The following DPP10 variants were observed in gnomAD, a reference collection of about 807,000 sequenced individuals.
The protein encoded by DPP10 is dipeptidyl peptidase like 10.
Under a neutral mutation model 120.9 loss-of-function variants are expected in DPP10, and 33 were observed. The ratio of observed to expected loss-of-function variants is 0.27; its 90% confidence interval spans 0.21 to 0.37. DPP10 has a LOEUF of 0.37. Ranked by LOEUF, DPP10 falls within the 10% of genes least tolerant of loss-of-function variation. DPP10 has a pLI of 1.00. For missense variants in DPP10, 816 were observed against 942.8 expected (o/e 0.87, Z 1.76); for synonymous variants, 337 against 326.1 (o/e 1.03, Z -0.36).
intron 2 of DPP10, among the ~76,000 whole-genome samples, chr2:115,312,314 C>T (rs1299172600): frequency 2.6e-5 from 4 of 152,212 alleles, no homozygotes; most frequent in East Asian, 1.9e-4. Context: ...AGTATAACAA[C>T]TAGTGGTTAG....
At chr2:115,835,281 T>A (rs1439054856) in intron 21 of DPP10, among the ~76,000 whole-genome samples, 1 of 152,108 alleles carries the variant, frequency 6.6e-6, no homozygotes, top group Non-Finnish European at 1.5e-5. Flanking sequence ...ACACTACCAT[T>A]CTCTGAAACA....
chr2:115,733,605 A>G (rs200917575), intron 8 of DPP10, among the ~76,000 whole-genome samples: 4 of 134,484 alleles, frequency 3.0e-5, no homozygotes, highest in African/African-American at 1.1e-4. Flanking sequence ...AAAAAAAAAA[A>G]TCAACCACAG....
chr2:114,738,536 C>A (rs986519890), intron 1 of DPP10, among the ~76,000 whole-genome samples: 1 of 151,916 alleles, frequency 6.6e-6, no homozygotes, highest in African/African-American at 2.4e-5. Context: ...GGAGCACTAG[C>A]CTGTGTGGGG....
At chr2:115,664,860 C>T (rs956489244) in intron 5 of DPP10, among the ~76,000 whole-genome samples, 1 of 130,664 alleles carries the variant, frequency 7.7e-6, no homozygotes, top group Non-Finnish European at 1.9e-5. Flanking sequence ...TTCAACACAT[C>T]GCCACTAGTC....
chr2:114,731,668 G>T (rs1007113918), intron 1 of DPP10, among the ~76,000 whole-genome samples: 2 of 152,138 alleles, frequency 1.3e-5, no homozygotes, highest in African/African-American at 2.4e-5. Flanking sequence ...TGGGAAATAG[G>T]TTCAGGTGTG....
intron 1 of DPP10, among the ~76,000 whole-genome samples, chr2:114,706,701 G>A (rs1700709346): frequency 6.6e-6 from 1 of 152,114 alleles, no homozygotes; most frequent in Non-Finnish European, 1.5e-5. Flanking sequence ...ACATTCACAG[G>A]TATTGAGGGG....
At chr2:115,174,604 C>T (rs1316902486) in intron 1 of DPP10, among the ~76,000 whole-genome samples, 4 of 152,112 alleles carry the variant, frequency 2.6e-5, no homozygotes, top group African/African-American at 9.7e-5. Context: ...GGTACATTCC[C>T]CTAAAATTCT....
chr2:115,805,797 A>C (rs111535925), intron 19 of DPP10, among the ~76,000 whole-genome samples: 2,629 of 150,170 alleles, frequency 0.018, 85 homozygotes, highest in African/African-American at 0.06. Context: ...CTGGTCTCAA[A>C]CTCCTGACCT....
chr2:115,022,498 T>C (rs184547532), intron 1 of DPP10, among the ~76,000 whole-genome samples: 1 of 152,036 alleles, frequency 6.6e-6, no homozygotes, highest in East Asian at 1.9e-4. Context: ...AAAGAAAACA[T>C]AGATGACACA....
chr2:115,476,989 C>A (rs1250454220), intron 3 of DPP10, among the ~76,000 whole-genome samples: 2 of 152,094 alleles, frequency 1.3e-5, no homozygotes, highest in Non-Finnish European at 2.9e-5. Context: ...AAACTCTCAA[C>A]AAACTAGGAA....
rs1046958975 is a variant in DPP10 at position 115,537,463 on chromosome 2, A to G, written c.441+11491A>G. On this transcript the variant is annotated intron_variant, in intron 5 of 25. Transcript: ENST00000410059. ...TGTGAGTTAAGCAGTTTTCTCTATTATAAGGCTTTAGAGAGATTTTAATAA... is the reference window on the plus strand; with the variant it reads ...TGTGAGTTAAGCAGTTTTCTCTATTGTAAGGCTTTAGAGAGATTTTAATAA... Among the ~76,000 whole-genome samples, 3 of 152,032 alleles carry G rather than the reference A, an allele frequency of 2.0e-5. No homozygotes were observed. In the East Asian group the frequency reaches 5.8e-4, roughly 29 times the overall value.
At chr2:114,918,500 A>G (rs1694964506) in intron 1 of DPP10, among the ~76,000 whole-genome samples, 1 of 152,136 alleles carries the variant, frequency 6.6e-6, no homozygotes, top group Non-Finnish European at 1.5e-5. Flanking sequence ...GCATGCATAT[A>G]TCCATTGCAG....
chr2:115,764,144 A>G (rs1365809205), intron 12 of DPP10, among the ~76,000 whole-genome samples: 2 of 151,838 alleles, frequency 1.3e-5, no homozygotes, highest in African/African-American at 4.8e-5. Flanking sequence ...TTTTGCTAAG[A>G]TACAAGGACA....
chr2:114,758,176 T>TA (rs1330990811), intron 1 of DPP10, among the ~76,000 whole-genome samples: 1 of 152,190 alleles, frequency 6.6e-6, no homozygotes, highest in African/African-American at 2.4e-5. Flanking sequence ...TTTGTCTGAT[T>TA]AAAAAAGAAA....
At chr2:114,491,289 T>G (rs1681977647) in intron 1 of DPP10, among the ~76,000 whole-genome samples, 1 of 152,194 alleles carries the variant, frequency 6.6e-6, no homozygotes. Flanking sequence ...CCTACTCAAA[T>G]TTTCATTCAT....
intron 4 of DPP10, among the ~76,000 whole-genome samples, chr2:115,519,806 A>T (rs2077698239): frequency 6.6e-6 from 1 of 152,064 alleles, no homozygotes; most frequent in South Asian, 2.1e-4. Context: ...CTTATGGTCC[A>T]CTGGCTTTCT....
chr2:115,185,981 T>C (rs781229668), intron 1 of DPP10, among the ~76,000 whole-genome samples: 2 of 152,352 alleles, frequency 1.3e-5, no homozygotes, highest in Non-Finnish European at 1.5e-5. Context: ...AGCAACTCAC[T>C]ACCACCTCTA....
At position 114,442,794 on chromosome 2, in the gene DPP10, A is replaced by C. The variant is rs1677729971; in HGVS notation, c.16A>C (p.Ser6Arg). The change falls in exon 1 of 26, where the codon AGC becomes CGC. Residue 6 changes from serine to arginine, a missense_variant. By Grantham distance (110) the Ser-to-Arg change is moderately radical. Around this residue, in one of 3 missense-constraint regions of DPP10, gnomAD observed 182 missense variants for 207.4 expected, o/e 0.88. Coordinates refer to ENST00000410059, the MANE Select transcript of DPP10 (RefSeq NM_020868.6). ...GTCCTGAAACATGAACCAAACTGCC[A>C]GCGTGTCCCATCACATCAAGTGTCA... MNQTA[S>R]VSHHIKCQPS... 6.2e-7 allele frequency: 1 copy of C among 1,613,348 alleles called. No homozygotes were observed. Among genetic ancestry groups the C allele is most frequent in the African/African-American group, 1.3e-5 (1 of 74,888 alleles).
intron 1 of DPP10, among the ~76,000 whole-genome samples, chr2:114,714,077 G>A (rs780576670): frequency 8.6e-6 from 1 of 115,874 alleles, no homozygotes; most frequent in Non-Finnish European, 1.8e-5. Context: ...GTGTTTGTGT[G>A]TGTGTGTGTG....
Sources: gnomAD v4.1 joint callset for allele counts (sites outside exome capture counted in the v4.1 genomes callset) on GRCh38, gnomAD v4.1.1 for gene constraint, gnomAD v4.1.1 regional missense constraint, MANE v1.5 for transcripts, NCBI Gene and HGNC (gene_info 2026-07-23, HGNC 2026-07-21) for gene names.